MBNL1: variants seen among roughly 807,000 people sequenced by gnomAD.
MBNL1 encodes the protein muscleblind like splicing regulator 1.
A neutral mutation model predicts 42.2 loss-of-function variants in MBNL1; 8 were observed. That is an observed-to-expected ratio of 0.19 (90% CI 0.11 to 0.34). The LOEUF (loss-of-function observed/expected upper bound fraction) is 0.34. MBNL1 is among the 10% of genes least tolerant of loss of function. MBNL1 has a pLI of 1.00. For synonymous variants in MBNL1, 169 were observed against 173.9 expected, an observed-to-expected ratio of 0.97 and a Z score of 0.22; for missense variants, 309 against 495.3, an observed-to-expected ratio of 0.62 and a Z score of 3.57.
intron 2 of MBNL1, among the ~76,000 whole-genome samples, chr3:152,354,631 C>A (rs1214668300): frequency 6.6e-6 from 1 of 150,612 alleles, no homozygotes; most frequent in East Asian, 1.9e-4. Flanking sequence ...CTTAATTTTA[C>A]AATTTTTACT....
intron 1 of MBNL1, among the ~76,000 whole-genome samples, chr3:152,291,668 A>C (rs534012706): frequency 2.6e-4 from 40 of 152,348 alleles, no homozygotes; most frequent in Admixed American, 7.2e-4. Flanking sequence ...GCCTTCTCTC[A>C]TGGAGCTTAC....
chr3:152,412,420 GGA>G (rs1231594331), intron 2 of MBNL1, among the ~76,000 whole-genome samples: 5 of 151,990 alleles, frequency 3.3e-5, no homozygotes, highest in African/African-American at 1.2e-4. Context: ...GCTCTCTGTG[GGA>G]GAGTCTTGGT....
chr3:152,367,950 A>T (rs140717880), intron 2 of MBNL1, among the ~76,000 whole-genome samples: 3 of 151,816 alleles, frequency 2.0e-5, no homozygotes, highest in African/African-American at 7.3e-5. Flanking sequence ...AGATTGCAAA[A>T]ACTTTCTCCC....
At chr3:152,285,326 A>G (rs1264877639) in intron 1 of MBNL1, among the ~76,000 whole-genome samples, 1 of 152,218 alleles carries the variant, frequency 6.6e-6, no homozygotes, top group East Asian at 1.9e-4. Flanking sequence ...ATGAAGTTTT[A>G]CATTTGAAAT....
intron 4 of MBNL1, among the ~76,000 whole-genome samples, chr3:152,442,654 T>C (rs760012092): frequency 3.4e-5 from 5 of 146,676 alleles, no homozygotes; most frequent in Non-Finnish European, 5.9e-5. Context: ...AAAGTGTCCT[T>C]GAGTTTATCA....
intron 2 of MBNL1, among the ~76,000 whole-genome samples, chr3:152,375,966 A>C (rs2096880047): frequency 6.6e-6 from 1 of 152,204 alleles, no homozygotes; most frequent in Non-Finnish European, 1.5e-5. Flanking sequence ...TTTGAGATGC[A>C]ATGTTAGCCA....
intron 4 of MBNL1, among the ~76,000 whole-genome samples, chr3:152,435,541 T>G (rs2099067615): frequency 6.6e-6 from 1 of 152,238 alleles, no homozygotes; most frequent in African/African-American, 2.4e-5. Context: ...TTATTCCATA[T>G]GAATTTTTAA....
chr3:152,363,389 C>T (rs1281196955), intron 2 of MBNL1, among the ~76,000 whole-genome samples: 1 of 151,956 alleles, frequency 6.6e-6, no homozygotes, highest in Non-Finnish European at 1.5e-5. Context: ...AGAGTAAGGC[C>T]TTAGCAGGGA....
intron 2 of MBNL1, among the ~76,000 whole-genome samples, chr3:152,403,946 G>A (rs1237976292): frequency 2.6e-5 from 4 of 152,164 alleles, no homozygotes; most frequent in African/African-American, 9.7e-5. Flanking sequence ...AGCACATTTT[G>A]TTCAAGTACA....
intron 2 of MBNL1, among the ~76,000 whole-genome samples, chr3:152,378,632 T>C (rs2097031093): frequency 6.6e-6 from 1 of 152,196 alleles, no homozygotes; most frequent in South Asian, 2.1e-4. Flanking sequence ...CTTTTTACAA[T>C]TCCAATAATA....
chr3:152,369,227 T>C (rs569206801), intron 2 of MBNL1, among the ~76,000 whole-genome samples: 4 of 152,310 alleles, frequency 2.6e-5, no homozygotes, highest in Non-Finnish European at 4.4e-5. Context: ...GAAGGGGTGT[T>C]GAATTTTATT....
chr3:152,277,349 A>G (rs2045859698), intron 1 of MBNL1, among the ~76,000 whole-genome samples: 1 of 152,158 alleles, frequency 6.6e-6, no homozygotes, highest in Non-Finnish European at 1.5e-5. Flanking sequence ...CTCTTATTAA[A>G]GTCCATGCTC....
chr3:152,382,744 C>T lies in MBNL1; in HGVS notation c.175-32197C>T, dbSNP rs568921260. Reference sequence around the variant, plus strand: ...TATCTTTTCTTTTTACACTGGTTGCCCTAGCAGGGGCTATCTTTTCCTTGT... The same window carrying T: ...TATCTTTTCTTTTTACACTGGTTGCTCTAGCAGGGGCTATCTTTTCCTTGT... On this transcript the variant is annotated intron_variant, in intron 2 of 9. Coordinates refer to ENST00000324210, the MANE Select transcript of MBNL1 (RefSeq NM_021038.5). 1.4e-4 allele frequency among the ~76,000 whole-genome samples: 21 copies of T among 152,214 alleles called. No homozygotes were observed. The East Asian group carries it at 4.0e-3, about 29-fold the overall frequency.
chr3:152,317,510 A>T (rs1212213932), intron 2 of MBNL1, among the ~76,000 whole-genome samples: 2 of 151,854 alleles, frequency 1.3e-5, no homozygotes, highest in South Asian at 4.1e-4. Context: ...TGTATAGATG[A>T]GGTTTCAGCA....
chr3:152,340,338 A>G, intron 2 of MBNL1: 2 of 641,746 alleles, frequency 3.1e-6, no homozygotes, highest in Non-Finnish European at 5.1e-6. Flanking sequence ...TAATATCAAC[A>G]TGCAAAAACT....
intron 2 of MBNL1, among the ~76,000 whole-genome samples, chr3:152,368,720 G>C (rs953018692): frequency 6.6e-6 from 1 of 152,110 alleles, no homozygotes; most frequent in Non-Finnish European, 1.5e-5. Context: ...TCCTTGAAGA[G>C]GTCCTTCACA....
intron 3 of MBNL1, among the ~76,000 whole-genome samples, chr3:152,426,506 C>T (rs2098933963): frequency 6.6e-6 from 1 of 152,138 alleles, no homozygotes; most frequent in Non-Finnish European, 1.5e-5. Flanking sequence ...GGCTTGCAAC[C>T]TGGAGACCTC....
chr3:152,345,187 G>A (rs928975546), intron 2 of MBNL1, among the ~76,000 whole-genome samples: 1 of 152,038 alleles, frequency 6.6e-6, no homozygotes, highest in Non-Finnish European at 1.5e-5. Flanking sequence ...TATTGAAGCA[G>A]TATGTATTAA....
chr3:152,340,321 G>T, intron 2 of MBNL1: 1 of 586,638 alleles, frequency 1.7e-6, no homozygotes, highest in Non-Finnish European at 2.9e-6. Context: ...AAAAGAAAAA[G>T]GGGAGATAAT....
Sources: allele counts gnomAD v4.1 joint callset (sites outside exome capture counted in the v4.1 genomes callset), GRCh38; gene constraint gnomAD v4.1.1; transcripts MANE v1.5; gene names NCBI Gene and HGNC (gene_info 2026-07-23, HGNC 2026-07-21).